Variants in TOP2B observed in about 807,000 individuals in gnomAD.
TOP2B encodes DNA topoisomerase II beta.
TOP2B carries 51 observed loss-of-function variants against 193.5 expected under a neutral mutation model. That is an observed-to-expected ratio of 0.26 (90% confidence interval 0.21 to 0.33). The LOEUF is 0.33. Ranked by LOEUF, TOP2B falls within the 10% of genes least tolerant of loss-of-function variation. The probability of loss-of-function intolerance (pLI) is 1.00; values close to 1 mark genes in which losing one functional copy is unlikely to be tolerated. For missense variants in TOP2B, 1,378 were observed against 1,909.3 expected (o/e 0.72, Z 5.19); for synonymous variants, 634 against 635.7 (o/e 1.00, Z 0.04).
At chr3:25,620,320 T>C (rs1482969352) in intron 22 of TOP2B, among the ~76,000 whole-genome samples, 1 of 151,914 alleles carries the variant, frequency 6.6e-6, no homozygotes, top group Non-Finnish European at 1.5e-5. Context: ...AAGGATGACA[T>C]CAACTGGAAC....
At chr3:25,657,279 G>A (rs182310881) in intron 1 of TOP2B, among the ~76,000 whole-genome samples, 75 of 152,302 alleles carry the variant, frequency 4.9e-4, no homozygotes, top group African/African-American at 1.7e-3. Flanking sequence ...GGTAAGGGGA[G>A]AGAGGGCAAC....
At chr3:25,611,889 GT>G (rs146830252) in intron 28 of TOP2B, among the ~76,000 whole-genome samples, 1 of 151,794 alleles carries the variant, frequency 6.6e-6, no homozygotes, top group Non-Finnish European at 1.5e-5. Context: ...TTATGGTTGG[GT>G]TTTTGGAGGT....
chr3:25,652,028 G>T (rs1357911642), intron 1 of TOP2B, among the ~76,000 whole-genome samples: 2 of 152,144 alleles, frequency 1.3e-5, no homozygotes, highest in African/African-American at 4.8e-5. Context: ...CCAGAAAACT[G>T]GAATCTGAAG....
In TOP2B at chr3:25,650,640, C is replaced by T. The variant is rs369704833; in HGVS notation, c.70-5170G>A. On this transcript the variant is annotated intron_variant, in intron 1 of 35. Transcript: ENST00000264331. ...TATAGAATTGTGGAAGCTGAACCGA[C>T]TGAGACATCTATGGTGTTAGCTATT... Among the ~76,000 whole-genome samples, 436 of 152,336 alleles carry T rather than the reference C, an allele frequency of 2.9e-3. 1 individual carries two copies. The highest frequency in any genetic ancestry group is 9.6e-3 in the African/African-American group (400 of 41,580).
Position 25,612,990 on chromosome 3 carries a change from G to A in TOP2B, c.3592-281C>T, listed in dbSNP as rs140292961. The stretch of plus-strand genomic sequence containing the variant: ...AAGTCTCTGCCAATTCTTGGATCCC[G>A]TGATATATTATGGAATCAAGACCTC... On this transcript the variant is annotated intron_variant, in intron 27 of 35. Transcript: ENST00000264331. 2.9e-3 allele frequency among the ~76,000 whole-genome samples: 446 copies of A among 152,214 alleles called. 1 individual carries two copies. The highest frequency in any genetic ancestry group is 0.01 in the African/African-American group (427 of 41,520).
chr3:25,655,923 A>C (rs1277872328), intron 1 of TOP2B, among the ~76,000 whole-genome samples: 1 of 152,198 alleles, frequency 6.6e-6, no homozygotes. Flanking sequence ...AGTTTGGGAA[A>C]ATGAAATACT....
intron 4 of TOP2B, among the ~76,000 whole-genome samples, chr3:25,641,312 T>C (rs972628409): frequency 6.6e-6 from 1 of 152,174 alleles, no homozygotes; most frequent in African/African-American, 2.4e-5. Flanking sequence ...ATATCAAACA[T>C]TCAGTGTCTA....
chr3:25,628,168 AT>A (rs1184178305), intron 15 of TOP2B, among the ~76,000 whole-genome samples: 2 of 140,646 alleles, frequency 1.4e-5, no homozygotes, highest in Admixed American at 1.5e-4. Context: ...ATTTAACATT[AT>A]TTAAAAAAAA....
At chr3:25,651,956 G>A (rs542402053) in intron 1 of TOP2B, among the ~76,000 whole-genome samples, 1 of 151,486 alleles carries the variant, frequency 6.6e-6, no homozygotes, top group East Asian at 1.9e-4. Flanking sequence ...TTGTTTACAA[G>A]ACATCTGCTT....
chr3:25,645,470 T>G lies in TOP2B; in HGVS notation c.70A>C (p.Thr24Pro). 2 of 1,596,448 alleles carry G rather than the reference T, an allele frequency of 1.3e-6. No individual in the cohort carries two copies. Among genetic ancestry groups the G allele is most frequent in the Non-Finnish European group, 1.7e-6 (2 of 1,171,620 alleles). Reference sequence around the variant, plus strand: ...GCAGCATTGTTCTGATCAAAAAGAGTCTAAAATTAACCAAAAAATCAAATT... The same window carrying G: ...GCAGCATTGTTCTGATCAAAAAGAGGCTAAAATTAACCAAAAAATCAAATT... ...GGGNGALTWV[T>P]LFDQNNAAKK... is the part of the protein sequence containing the mutation. Residue 24 changes from threonine (T) to proline (P), a missense_variant and splice_region_variant, in exon 2 of 36, where the codon ACT (threonine) becomes CCT (proline). Around this residue, in one of 9 missense-constraint regions of TOP2B, gnomAD observed 83 missense variants for 59.3 expected, o/e 1.40. Transcript: ENST00000264331.
rs1384670188 is a variant in TOP2B at position 25,630,509 on chromosome 3, A to T, written c.1406-40T>A. 5 of 1,456,820 alleles carry T rather than the reference A, an allele frequency of 3.4e-6. No homozygotes were observed. The South Asian group carries it at 5.5e-5, about 16-fold the overall frequency. 90.2% of individuals were successfully genotyped at this position (1,456,820 alleles called of 1,614,324 possible). Reference sequence around the variant, plus strand: ...AAATTATACATAGTAAAAATTTCTCATACTTTCACTGATGAGAAAAATGAA... The same window carrying T: ...AAATTATACATAGTAAAAATTTCTCTTACTTTCACTGATGAGAAAAATGAA... On this transcript the variant is annotated intron_variant, in intron 11 of 35. Coordinates refer to ENST00000264331, the MANE Select transcript of TOP2B (RefSeq NM_001330700.2).
rs1374721748 is a variant in TOP2B, at chr3:25,664,212, G to A, written c.69+17C>T. ...CCGGAACAATGCAGCCGCCCGTCCC[G>A]GGGACCAGCCACTTACCACCCAGGT... On this transcript the variant is annotated intron_variant, in intron 1 of 35. Transcript: ENST00000264331. 9 of 1,522,286 alleles carry A rather than the reference G, an allele frequency of 5.9e-6. No individual in the cohort carries two copies. Among genetic ancestry groups the A allele is most frequent in the East Asian group, 2.5e-5 (1 of 39,508 alleles). The allele number at this position is 1,522,286 out of a possible 1,614,324, so 94.3% of individuals were successfully genotyped here.
intron 1 of TOP2B, among the ~76,000 whole-genome samples, chr3:25,654,836 C>A (rs1018213244): frequency 6.6e-6 from 1 of 152,152 alleles, no homozygotes; most frequent in Non-Finnish European, 1.5e-5. Flanking sequence ...GTCTCTTCAA[C>A]AAATGGTGCT....
At chr3:25,635,738 C>G (rs188865520) in intron 7 of TOP2B, among the ~76,000 whole-genome samples, 198 bp downstream of exon 7, 1 of 151,608 alleles carries the variant, frequency 6.6e-6, no homozygotes, top group Non-Finnish European at 1.5e-5. Flanking sequence ...ATATATATAA[C>G]CAAGAAGGAA....
At chr3:25,624,476 T>C (rs1460590320) in intron 19 of TOP2B, 31 bp from the exon 20 acceptor site, 2 of 1,587,932 alleles carry the variant, frequency 1.3e-6, no homozygotes, top group African/African-American at 1.4e-5. Context: ...GAACATAACA[T>C]TAATATTCTA....
intron 1 of TOP2B, 125 bp downstream of exon 1, chr3:25,664,104 C>A (rs1704006731): frequency 7.2e-7 from 1 of 1,395,418 alleles, no homozygotes; most frequent in African/African-American, 1.4e-5. Context: ...AGCACAGGCC[C>A]CTATGGAGCG....
At chr3:25,602,801 T>C (rs1235658281) in intron 33 of TOP2B, among the ~76,000 whole-genome samples, 1 of 152,218 alleles carries the variant, frequency 6.6e-6, no homozygotes, top group African/African-American at 2.4e-5. Flanking sequence ...CTGAGTACTA[T>C]AGCTGCCTTT....
intron 1 of TOP2B, among the ~76,000 whole-genome samples, chr3:25,660,323 A>ACAT (rs1462467516): frequency 6.6e-6 from 1 of 152,228 alleles, no homozygotes; most frequent in Non-Finnish European, 1.5e-5. Flanking sequence ...ATAAACAAGG[A>ACAT]AAATACATGC....
At position 25,643,763 on chromosome 3, in the gene TOP2B, C is replaced by T; in HGVS notation, c.262G>A (p.Asp88Asn). The T allele has an allele frequency of 6.2e-7, 1 of 1,613,238 alleles. No individual in the cohort carries two copies. Among genetic ancestry groups the T allele is most frequent in the Non-Finnish European group, 8.5e-7 (1 of 1,179,492 alleles). ...ACCTCCCTGCAATTCATTCCTACATCTTCATCATACACCCACATGAACTGC... is the reference window on the plus strand; with the variant it reads ...ACCTCCCTGCAATTCATTCCTACATTTTCATCATACACCCACATGAACTGC... ...LTQFMWVYDEDVGMNCREVTF... is the reference protein window; with the variant it reads ...LTQFMWVYDENVGMNCREVTF... Residue 88 changes from aspartate to asparagine, a missense_variant, in exon 3 of 36, where the codon GAT (aspartate) becomes AAT (asparagine). Transcript: ENST00000264331.
Sources: gnomAD v4.1 joint callset for allele counts (sites outside exome capture counted in the v4.1 genomes callset) on GRCh38, gnomAD v4.1.1 for gene constraint, gnomAD v4.1.1 regional missense constraint, MANE v1.5 for transcripts, NCBI Gene and HGNC (gene_info 2026-07-23, HGNC 2026-07-21) for gene names.